The following DCAF10 variants were observed in gnomAD, a reference collection of about 807,000 sequenced individuals.
DCAF10 encodes the protein DDB1 and CUL4 associated factor 10, also known as DDB1- and CUL4-associated factor 10.
A neutral mutation model predicts 51.9 loss-of-function variants in DCAF10; 19 were observed. That is an observed-to-expected ratio of 0.37 (90% CI 0.26 to 0.54). The LOEUF (loss-of-function observed/expected upper bound fraction) is 0.54, where lower values mean the gene tolerates loss of function less well. DCAF10 is among the 20% of genes least tolerant of loss of function. The pLI is 0.87. For synonymous variants in DCAF10, 291 were observed against 297.1 expected (o/e 0.98, Z 0.21); for missense variants, 510 against 730.6 (o/e 0.70, Z 3.48).
At chr9:37,859,164 T>G (rs1830940214) in intron 5 of DCAF10, among the ~76,000 whole-genome samples, 1 of 152,244 alleles carries the variant, frequency 6.6e-6, no homozygotes, top group South Asian at 2.1e-4. Flanking sequence ...CTGTTAATGA[T>G]GTAGTAATCT....
At chr9:37,845,736 A>G (rs1454018337) in intron 3 of DCAF10, among the ~76,000 whole-genome samples, 1 of 152,184 alleles carries the variant, frequency 6.6e-6, no homozygotes, top group Non-Finnish European at 1.5e-5. Flanking sequence ...CCCCTTACAC[A>G]ATATGGCGAT....
At chr9:37,853,191 G>T (rs188485802) in intron 3 of DCAF10, among the ~76,000 whole-genome samples, 14 of 144,412 alleles carry the variant, frequency 9.7e-5, no homozygotes, top group Non-Finnish European at 1.2e-4. Flanking sequence ...AATAAAAAGC[G>T]AGAGCATTTA....
chr9:37,861,533 C>T lies in DCAF10; in HGVS notation c.*25C>T. On this transcript the variant is annotated 3_prime_UTR_variant, in exon 7 of 7. Coordinates refer to ENST00000377724, the MANE Select transcript of DCAF10 (RefSeq NM_024345.5). This position sits in a 1 kb window ranked among gnomAD's most constrained non-coding sequence, Gnocchi z 4.9. ...GGCACAACTTACATCAAATAAGGAA[C>T]TCTTCTGGTGTTTGACTTAGGAATT... The T allele has an allele frequency of 6.3e-7, 1 of 1,587,816 alleles. No homozygotes were observed. Among genetic ancestry groups the T allele is most frequent in the Non-Finnish European group, 8.6e-7 (1 of 1,163,272 alleles).
rs1398173507 is a variant in DCAF10 at position 37,829,206 on chromosome 9, C to T, written c.653+9805C>T. ...GTGGCTCATGCCTGTAATTCCCGCA[C>T]TTTTGGGTGGATCACCTGAGGTAGG... On this transcript the variant is annotated intron_variant, in intron 2 of 6. Coordinates refer to ENST00000377724, the MANE Select transcript of DCAF10 (RefSeq NM_024345.5). This position sits in a 1 kb window ranked among gnomAD's most constrained non-coding sequence, Gnocchi z 4.2. 1.3e-5 allele frequency among the ~76,000 whole-genome samples: 2 copies of T among 152,034 alleles called. No homozygotes were observed. The highest frequency in any genetic ancestry group is 2.4e-5 in the African/African-American group (1 of 41,406).
Position 37,857,329 on chromosome 9 carries a change from G to A in DCAF10, c.1143G>A (p.Met381Ile), listed in dbSNP as rs367985446. The change falls in exon 5 of 7, where the codon ATG becomes ATA. Residue 381 changes from methionine (M) to isoleucine (I), a missense_variant. This residue lies in a region of DCAF10 where 29 missense variants were observed against 24.9 expected (regional missense o/e 1.16). Transcript: ENST00000377724. ...HSDSNSSEKH[M>I]SRASQREGVS... Reference sequence around the variant, plus strand: ...ATTCTAATTCTTCTGAGAAACACATGTCACGAGCCTCTCAAAGAGAAGGTA... The same window carrying A: ...ATTCTAATTCTTCTGAGAAACACATATCACGAGCCTCTCAAAGAGAAGGTA... 4.4e-5 allele frequency: 71 copies of A among 1,608,542 alleles called. No homozygotes were observed. Among genetic ancestry groups the A allele is most frequent in the Non-Finnish European group, 5.9e-5 (69 of 1,178,228 alleles).
At chr9:37,821,997 C>T (rs1829716798) in intron 2 of DCAF10, among the ~76,000 whole-genome samples, 1 of 151,860 alleles carries the variant, frequency 6.6e-6, no homozygotes, top group Non-Finnish European at 1.5e-5. Context: ...CTTCATATGA[C>T]CAACAAACAT....
chr9:37,813,022 AG>A (rs1829400604), intron 1 of DCAF10, among the ~76,000 whole-genome samples: 2 of 152,248 alleles, frequency 1.3e-5, no homozygotes, highest in Non-Finnish European at 1.5e-5. Flanking sequence ...GCATGATGTT[AG>A]CTCTTTAGGT....
chr9:37,816,327 G>A (rs543817407), intron 1 of DCAF10, among the ~76,000 whole-genome samples: 1 of 152,330 alleles, frequency 6.6e-6, no homozygotes, highest in African/African-American at 2.4e-5. Flanking sequence ...GATGGCTCAC[G>A]CCTGTAATCC....
intron 3 of DCAF10, 45 bp from the exon 4 acceptor site, chr9:37,854,735 T>A (rs1429436367): frequency 2.6e-6 from 4 of 1,554,262 alleles, no homozygotes; most frequent in Middle Eastern, 1.7e-4. Flanking sequence ...TGAACCGTTA[T>A]ATTTATGATA....
intron 1 of DCAF10, among the ~76,000 whole-genome samples, chr9:37,803,066 G>C (rs951857778): frequency 1.8e-4 from 28 of 152,124 alleles, no homozygotes; most frequent in African/African-American, 6.5e-4. Context: ...GTTTTTGTTT[G>C]AATCTAGAAT....
intron 3 of DCAF10, among the ~76,000 whole-genome samples, chr9:37,848,491 C>G (rs1334892064): frequency 6.6e-6 from 1 of 152,148 alleles, no homozygotes; most frequent in Non-Finnish European, 1.5e-5. Flanking sequence ...CTGTACGATT[C>G]TATTTATATG....
At position 37,850,826 on chromosome 9, in the gene DCAF10, T is replaced by TTATATATA. The variant is rs71494679; in HGVS notation, c.852-3905_852-3898dup. Among the ~76,000 whole-genome samples, 99 of 45,760 alleles carry TTATATATA rather than the reference T, an allele frequency of 2.2e-3. 2 individuals carry two copies. Among genetic ancestry groups the TTATATATA allele is most frequent in the Non-Finnish European group, 3.0e-3 (59 of 19,884 alleles). The allele number at this position is 45,760 out of a possible 152,430, so 30.0% of individuals were successfully genotyped here. ...AATGCTAAGTATGTGAGGATATATT[T>TTATATATA]TATATATATATATATATATATATAT... On this transcript the variant is annotated intron_variant, in intron 3 of 6. Transcript: ENST00000377724.
intron 1 of DCAF10, among the ~76,000 whole-genome samples, chr9:37,807,536 TG>T (rs1180707904): frequency 6.6e-5 from 10 of 152,152 alleles, no homozygotes; most frequent in Admixed American, 3.9e-4. Flanking sequence ...ATGAACAATT[TG>T]AGCTACAATG....
chr9:37,809,277 C>A (rs1829256505), intron 1 of DCAF10, among the ~76,000 whole-genome samples: 1 of 151,190 alleles, frequency 6.6e-6, no homozygotes, highest in Admixed American at 6.6e-5. Flanking sequence ...AAATTATAGT[C>A]TTTAATAAAC....
chr9:37,851,796 T>A (rs546690469), intron 3 of DCAF10, among the ~76,000 whole-genome samples: 297 of 150,108 alleles, frequency 2.0e-3, no homozygotes, highest in African/African-American at 6.7e-3. Context: ...TCAAAATAAA[T>A]AAATAAATAA....
Position 37,801,072 on chromosome 9 carries a change from G to A in DCAF10, c.206G>A (p.Gly69Glu). The change falls in exon 1 of 7, where the codon GGA (glycine) becomes GAA (glutamate). Residue 69 changes from glycine (G) to glutamate (E), a missense_variant. This residue lies in a region of DCAF10 where 251 missense variants were observed against 227.9 expected (regional missense o/e 1.10). Coordinates refer to ENST00000377724, the MANE Select transcript of DCAF10 (RefSeq NM_024345.5). The surrounding 1 kb of genome is among the most constrained non-coding windows in gnomAD (Gnocchi z 5.5). ...APSLSPAPRS[G>E]ELGLPGAPES... ...TCGCTGTCCCCGGCCCCGCGCTCCG[G>A]AGAGCTAGGGCTGCCTGGAGCTCCG... 6.5e-7 allele frequency: 1 copy of A among 1,531,644 alleles called. No individual in the cohort carries two copies. The highest frequency in any genetic ancestry group is 8.7e-7 in the Non-Finnish European group (1 of 1,146,494). 94.9% of individuals were successfully genotyped at this position (1,531,644 alleles called of 1,614,324 possible).
chr9:37,857,355 G>C lies in DCAF10; in HGVS notation c.1165+4G>C. ...TCACGAGCCTCTCAAAGAGAAGGTA[G>C]GTTAAAAGTTGGATTTTATAATCTT... is the stretch of plus-strand genomic sequence containing the variant. On this transcript the variant is annotated splice_donor_region_variant and intron_variant, in intron 5 of 6. Transcript: ENST00000377724. 1.9e-6 allele frequency: 3 copies of C among 1,587,252 alleles called. No homozygotes were observed. The highest frequency in any genetic ancestry group is 1.7e-6 in the Non-Finnish European group (2 of 1,169,622).
chr9:37,811,437 A>G (rs1184586234), intron 1 of DCAF10, among the ~76,000 whole-genome samples: 1 of 152,212 alleles, frequency 6.6e-6, no homozygotes, highest in East Asian at 1.9e-4. Context: ...TCGTTGTCTG[A>G]AAAACCAAGA....
chr9:37,814,071 T>G (rs1324837820), intron 1 of DCAF10, among the ~76,000 whole-genome samples: 1 of 126,964 alleles, frequency 7.9e-6, no homozygotes, highest in East Asian at 2.4e-4. Context: ...ACTTTGAAAC[T>G]ATTTGTCACT....
Sources: allele counts gnomAD v4.1 joint callset (sites outside exome capture counted in the v4.1 genomes callset), GRCh38; gene constraint gnomAD v4.1.1; regional missense constraint gnomAD v4.1.1; non-coding constraint Gnocchi (gnomAD v3.1); transcripts MANE v1.5; gene names NCBI Gene and HGNC (gene_info 2026-07-23, HGNC 2026-07-21).